PDE4B: variants seen among roughly 807,000 people sequenced by gnomAD.
The protein encoded by PDE4B is phosphodiesterase 4B.
PDE4B carries 20 observed loss-of-function variants against 82.2 expected under a neutral mutation model. That is an observed-to-expected ratio of 0.24 (90% confidence interval 0.17 to 0.35). The LOEUF (loss-of-function observed/expected upper bound fraction) is 0.35, where lower values mean the gene tolerates loss of function less well. Ranked by LOEUF, PDE4B falls within the 10% of genes least tolerant of loss-of-function variation. The pLI is 1.00. For synonymous variants in PDE4B, 320 were observed against 318.9 expected, an observed-to-expected ratio of 1.00 and a Z score of -0.04; for missense variants, 655 against 907.2, an observed-to-expected ratio of 0.72 and a Z score of 3.57.
chr1:66,039,040 C>G (rs1181374924), intron 3 of PDE4B, among the ~76,000 whole-genome samples: 2 of 152,038 alleles, frequency 1.3e-5, no homozygotes, highest in Non-Finnish European at 2.9e-5. Flanking sequence ...ATTTCTACCT[C>G]TTAGTGCACA....
At chr1:66,371,940 C>A (rs781672243) in intron 16 of PDE4B, among the ~76,000 whole-genome samples, 1 of 152,128 alleles carries the variant, frequency 6.6e-6, no homozygotes, top group African/African-American at 2.4e-5. Context: ...TCTTATCTGG[C>A]GCACATAAAA....
intron 1 of PDE4B, among the ~76,000 whole-genome samples, chr1:65,901,212 A>G (rs1262501758): frequency 6.6e-6 from 1 of 151,982 alleles, no homozygotes; most frequent in East Asian, 1.9e-4. Context: ...TGAAATGATT[A>G]TATGGTTTTT....
intron 3 of PDE4B, among the ~76,000 whole-genome samples, chr1:66,002,743 G>A (rs1378277627): frequency 1.3e-5 from 2 of 152,030 alleles, no homozygotes; most frequent in Non-Finnish European, 2.9e-5. Context: ...TTGGGTATCA[G>A]TATTTTACCT....
intron 4 of PDE4B, among the ~76,000 whole-genome samples, chr1:66,252,987 G>A (rs929845106): frequency 4.6e-5 from 7 of 152,074 alleles, no homozygotes; most frequent in African/African-American, 1.7e-4. Context: ...GTTAAGTTGA[G>A]GACCATCCAT....
intron 8 of PDE4B, among the ~76,000 whole-genome samples, chr1:66,351,637 C>T (rs1389747352): frequency 6.6e-6 from 1 of 152,176 alleles, no homozygotes; most frequent in African/African-American, 2.4e-5. Context: ...CTGTAGGAGG[C>T]AGCCACAGAA....
intron 1 of PDE4B, among the ~76,000 whole-genome samples, chr1:65,815,319 TGG>T (rs1168094202): frequency 6.6e-6 from 1 of 151,764 alleles, no homozygotes; most frequent in Admixed American, 6.6e-5. Context: ...TATATAAATT[TGG>T]AAGCCATATA....
In PDE4B at chr1:66,248,073, G is replaced by A. The variant is rs867954977; in HGVS notation, c.476+419G>A. Among the ~76,000 whole-genome samples, 6 of 152,264 alleles carry A rather than the reference G, an allele frequency of 3.9e-5. No individual in the cohort carries two copies. In the South Asian group the frequency reaches 8.3e-4, roughly 21 times the overall value. ...TGGTTATATGCATGCTGTCTCAGTA[G>A]CCTTTGCTTGGTGACTTTAATAAGA... On this transcript the variant is annotated intron_variant, in intron 4 of 16. Coordinates refer to ENST00000341517, the MANE Select transcript of PDE4B (RefSeq NM_002600.4).
intron 7 of PDE4B, among the ~76,000 whole-genome samples, chr1:66,286,040 C>T (rs1009128905): frequency 6.6e-6 from 1 of 152,178 alleles, no homozygotes; most frequent in Non-Finnish European, 1.5e-5. Flanking sequence ...GGATGTAAAA[C>T]CAGATCCAAC....
chr1:66,080,506 G>A (rs72920231), intron 3 of PDE4B, among the ~76,000 whole-genome samples: 1 of 152,012 alleles, frequency 6.6e-6, no homozygotes, highest in Non-Finnish European at 1.5e-5. Context: ...CATTAGCAAA[G>A]GTTTTACTGT....
chr1:65,846,353 A>G (rs1646268080), intron 1 of PDE4B, among the ~76,000 whole-genome samples: 1 of 152,230 alleles, frequency 6.6e-6, no homozygotes, highest in Non-Finnish European at 1.5e-5. Flanking sequence ...AATAAAGTAT[A>G]TTTTAATAGA....
intron 3 of PDE4B, among the ~76,000 whole-genome samples, chr1:65,980,946 A>G (rs2100651331): frequency 6.6e-6 from 1 of 152,312 alleles, no homozygotes; most frequent in Non-Finnish European, 1.5e-5. Flanking sequence ...AAAGAAATTT[A>G]TTGGCTATAG....
At chr1:65,924,517 C>G (rs1269718575) in intron 3 of PDE4B, among the ~76,000 whole-genome samples, 3 of 151,850 alleles carry the variant, frequency 2.0e-5, no homozygotes, top group Non-Finnish European at 4.4e-5. Flanking sequence ...TTTCTATTCC[C>G]TGCTATCTAT....
chr1:65,889,764 A>G (rs1646833282), intron 1 of PDE4B, among the ~76,000 whole-genome samples: 1 of 152,138 alleles, frequency 6.6e-6, no homozygotes, highest in African/African-American at 2.4e-5. Context: ...TGTGGTCTAC[A>G]TTGTACCTTT....
At chr1:66,106,988 T>A (rs1469816546) in intron 3 of PDE4B, among the ~76,000 whole-genome samples, 9 of 149,332 alleles carry the variant, frequency 6.0e-5, no homozygotes, top group Non-Finnish European at 1.0e-4. Context: ...TAGCTTTGAA[T>A]GTGTTTGCTC....
chr1:65,915,888 A>G (rs1218673805), intron 2 of PDE4B, among the ~76,000 whole-genome samples: 1 of 152,214 alleles, frequency 6.6e-6, no homozygotes, highest in Non-Finnish European at 1.5e-5. Flanking sequence ...TTTGGAAACC[A>G]TGATACATTT....
At chr1:65,920,881 G>T (rs920333412) in intron 3 of PDE4B, among the ~76,000 whole-genome samples, 2 of 150,828 alleles carry the variant, frequency 1.3e-5, no homozygotes, top group Non-Finnish European at 3.0e-5. Flanking sequence ...CAATTAACAG[G>T]ATACTTTTTA....
At chr1:65,893,693 A>G (rs1272156226) in intron 1 of PDE4B, among the ~76,000 whole-genome samples, 1 of 152,130 alleles carries the variant, frequency 6.6e-6, no homozygotes, top group African/African-American at 2.4e-5. Context: ...ACATGCACAC[A>G]TGTTTATAAC....
Position 66,217,257 on chromosome 1 carries a change from G to A in PDE4B, c.282-30203G>A, listed in dbSNP as rs200794510. Among the ~76,000 whole-genome samples, 944 of 152,146 alleles carry A rather than the reference G, an allele frequency of 6.2e-3. 10 individuals carry two copies. Among genetic ancestry groups the A allele is most frequent in the African/African-American group, 0.021 (877 of 41,532 alleles). On this transcript the variant is annotated intron_variant, in intron 3 of 16. Transcript: ENST00000341517. ...GTCATTGGCTAGGCAAGAAAAAAAA[G>A]TACATCTGGCTGGGATTGTAAATGA...
chr1:65,819,748 C>G (rs1226739882), intron 1 of PDE4B, among the ~76,000 whole-genome samples: 1 of 152,104 alleles, frequency 6.6e-6, no homozygotes, highest in Non-Finnish European at 1.5e-5. Context: ...ATCCGCCTGC[C>G]TCGGCCTCCC....
Sources: allele counts gnomAD v4.1 joint callset (sites outside exome capture counted in the v4.1 genomes callset), GRCh38; gene constraint gnomAD v4.1.1; transcripts MANE v1.5; gene names NCBI Gene and HGNC (gene_info 2026-07-23, HGNC 2026-07-21).